The following BCOR variants were observed in gnomAD, a reference collection of about 807,000 sequenced individuals.
BCOR encodes BCL6 corepressor, also known as BCL-6 corepressor.
A neutral mutation model predicts 86.7 loss-of-function variants in BCOR; 10 were observed. The ratio of observed to expected loss-of-function variants is 0.12; its 90% CI spans 0.07 to 0.20. The LOEUF (loss-of-function observed/expected upper bound fraction) is 0.20. Among genes scored for constraint, BCOR ranks in the 10% least tolerant of loss-of-function variants. The pLI, the probability that BCOR is intolerant of heterozygous loss-of-function variation, is 1.00. For synonymous variants in BCOR, 611 were observed against 609.0 expected (o/e 1.00, Z -0.05); for missense variants, 1,259 against 1,452.1 (o/e 0.87, Z 2.16).
At position 40,052,058 on chromosome X, in the gene BCOR, A is replaced by G. The variant is rs1391892040; in HGVS notation, c.*51T>C. On this transcript the variant is annotated 3_prime_UTR_variant, in exon 15 of 15. Coordinates refer to ENST00000378444, the MANE Select transcript of BCOR (RefSeq NM_001123385.2). ...CAGAAATAGTTGTATTATGACACAT[A>G]TGCACAAGGATTAACACTATAACAC... 1 of 1,042,419 alleles carries G rather than the reference A, an allele frequency of 9.6e-7. No homozygotes were observed. Among genetic ancestry groups the G allele is most frequent in the Non-Finnish European group, 1.3e-6 (1 of 780,485 alleles). 85.9% of individuals were successfully genotyped at this position (1,042,419 alleles called of 1,213,427 possible). A position where few individuals can be genotyped will look rare whatever the true frequency, so the allele number is the denominator to read the frequency against.
At chrX:40,091,852 G>A (rs1184570976) in intron 1 of BCOR, among the ~76,000 whole-genome samples, 1 of 113,145 alleles carries the variant, frequency 8.8e-6, no homozygotes, top group East Asian at 2.8e-4. Context: ...AAAGAAGCCG[G>A]GGCGGGTCAG....
At chrX:40,150,850 G>A (rs1043479587) in intron 1 of BCOR, among the ~76,000 whole-genome samples, 5 of 112,583 alleles carry the variant, frequency 4.4e-5, no homozygotes, top group African/African-American at 1.6e-4. Context: ...GAACTGCTCT[G>A]CCATCATCAA....
intron 1 of BCOR, among the ~76,000 whole-genome samples, chrX:40,147,973 AGGTAGCG>A (rs1162890604): frequency 8.1e-5 from 9 of 111,453 alleles, no homozygotes; most frequent in Non-Finnish European, 1.5e-4. Flanking sequence ...CCCAGGACAA[AGGTAGCG>A]GGTTTGAGGA....
chrX:40,096,064 G>A (rs1936850532), intron 1 of BCOR, among the ~76,000 whole-genome samples: 1 of 112,506 alleles, frequency 8.9e-6, no homozygotes, highest in Non-Finnish European at 1.9e-5. Flanking sequence ...GAGGCTCTGC[G>A]GCGCAGCCGC....
intron 1 of BCOR, among the ~76,000 whole-genome samples, chrX:40,093,845 T>C (rs192368391): frequency 1.5e-3 from 170 of 111,648 alleles, no homozygotes; most frequent in Middle Eastern, 4.6e-3. Context: ...TTTGGGAACA[T>C]TGAGTCTACG....
intron 1 of BCOR, among the ~76,000 whole-genome samples, chrX:40,111,760 T>C (rs1378058009): frequency 9.0e-6 from 1 of 111,291 alleles, no homozygotes; most frequent in Non-Finnish European, 1.9e-5. Flanking sequence ...AGTGCCCCCT[T>C]CCCCCCCAGT....
intron 11 of BCOR, among the ~76,000 whole-genome samples, chrX:40,056,526 G>C (rs1160665353): frequency 9.0e-6 from 1 of 111,328 alleles, no homozygotes; most frequent in South Asian, 3.7e-4. Context: ...GGGAGAAGAT[G>C]GGTCTCTGCC....
At chrX:40,062,523 T>TG in intron 9 of BCOR, 130 bp from the exon 10 acceptor site, 2 of 829,109 alleles carry the variant, frequency 2.4e-6, no homozygotes, top group African/African-American at 2.1e-5. Flanking sequence ...TTTTTGGGGG[T>TG]GGGGGGTGCC....
intron 1 of BCOR, among the ~76,000 whole-genome samples, chrX:40,166,611 C>G (rs1261213699): frequency 1.8e-5 from 2 of 112,401 alleles, no homozygotes; most frequent in African/African-American, 6.5e-5. Context: ...CTGACTGCAG[C>G]CCCAGGCTGG....
At chrX:40,076,364 C>T (rs924188266) in intron 3 of BCOR, 90 bp downstream of exon 3, 2 of 775,680 alleles carry the variant, frequency 2.6e-6, no homozygotes, top group Non-Finnish European at 1.9e-6. Context: ...TCCCCCATTC[C>T]CCACCCTTTA....
chrX:40,101,532 C>T (rs750884058), upstream of BCOR, among the ~76,000 whole-genome samples: 76 of 113,083 alleles, frequency 6.7e-4, 1 homozygote, highest in African/African-American at 2.3e-3. Context: ...ACAAACCACT[C>T]GACCTCAGGC....
Position 40,077,735 on chromosome X carries a change from GCT to G in BCOR, c.86+107_86+108del, listed in dbSNP as rs1018953176. The G allele has an allele frequency of 1.1e-5, 8 of 705,758 alleles. No homozygotes were observed. The African/African-American group carries it at 1.7e-4, about 15-fold the overall frequency. 58.2% of individuals were successfully genotyped at this position (705,758 alleles called of 1,213,427 possible). A position where few individuals can be genotyped will look rare whatever the true frequency, so the allele number is the denominator to read the frequency against. On this transcript the variant is annotated intron_variant, in intron 2 of 14. Transcript: ENST00000378444. ...TCAAGAGCGGCCTACTAGGCGGGAA[GCT>G]CTTTCTCTCCCACCCCTTTTGGGCC... is the stretch of plus-strand genomic sequence containing the variant.
intron 1 of BCOR, among the ~76,000 whole-genome samples, chrX:40,103,944 AAAAG>A (rs774111617): frequency 1.1e-3 from 121 of 112,080 alleles, no homozygotes; most frequent in South Asian, 2.6e-3. Context: ...AGAGAAAAAG[AAAAG>A]AAAGAAAGAT....
chrX:40,176,593 C>T (rs1229658487), intron 1 of BCOR, among the ~76,000 whole-genome samples: 1 of 112,714 alleles, frequency 8.9e-6, no homozygotes, highest in Non-Finnish European at 1.9e-5. Context: ...CTGCCCCCGC[C>T]CCCCAACGAT....
Position 40,064,354 on chromosome X carries a change from G to C in BCOR, c.3484C>G (p.Arg1162Gly). ...GGCTCACCTTTAGAGACTCGTCGGC[G>C]TTTGGCTTTCAGCAGAGGGTCCTCT... Reference protein sequence around the residue: ...VPEDPLLKAKRRRVSKDDWPE... With the variant: ...VPEDPLLKAKGRRVSKDDWPE... Residue 1162 changes from arginine to glycine, a missense_variant, in exon 7 of 15, where the codon CGC (arginine) becomes GGC (glycine). Physicochemically the swap from Arg to Gly is moderately radical, Grantham distance 125. Coordinates refer to ENST00000378444, the MANE Select transcript of BCOR (RefSeq NM_001123385.2). 8.2e-7 allele frequency: 1 copy of C among 1,212,399 alleles called. No individual in the cohort carries two copies. Among genetic ancestry groups the C allele is most frequent in the Non-Finnish European group, 1.1e-6 (1 of 895,640 alleles).
chrX:40,124,514 C>T (rs1018610029), intron 1 of BCOR, among the ~76,000 whole-genome samples: 2 of 111,406 alleles, frequency 1.8e-5, no homozygotes, highest in African/African-American at 3.3e-5. Context: ...CCGCCCACAT[C>T]GGCTTCCCAA....
intron 1 of BCOR, among the ~76,000 whole-genome samples, chrX:40,115,291 C>T (rs952931429): frequency 8.9e-6 from 1 of 112,085 alleles, no homozygotes; most frequent in African/African-American, 3.2e-5. Flanking sequence ...GGACCAGATC[C>T]TACATAGCTT....
At chrX:40,095,381 C>G (rs1486569265) in intron 1 of BCOR, among the ~76,000 whole-genome samples, 1 of 111,147 alleles carries the variant, frequency 9.0e-6, no homozygotes, top group Non-Finnish European at 1.9e-5. Flanking sequence ...TTGATTTCGG[C>G]CCGCGGTGTC....
chrX:40,075,738 G>A (rs1203249063), intron 3 of BCOR, among the ~76,000 whole-genome samples: 1 of 111,111 alleles, frequency 9.0e-6, no homozygotes, highest in Non-Finnish European at 1.9e-5. Flanking sequence ...CAGGCCGGGC[G>A]ACACAGCGAG....
Sources: gnomAD v4.1 joint callset for allele counts (sites outside exome capture counted in the v4.1 genomes callset) on GRCh38, gnomAD v4.1.1 for gene constraint, MANE v1.5 for transcripts, NCBI Gene and HGNC (gene_info 2026-07-23, HGNC 2026-07-21) for gene names.